CTBP2: variants seen among roughly 807,000 people sequenced by gnomAD.
The protein encoded by CTBP2 is C-terminal-binding protein 2.
CTBP2 carries 30 observed loss-of-function variants against 80.3 expected under a neutral mutation model. The observed-to-expected ratio is 0.37, with a 90% CI of 0.28 to 0.51. The LOEUF is 0.51. Among genes scored for constraint, CTBP2 ranks in the 20% least tolerant of loss-of-function variants. The pLI is 0.93. For missense variants in CTBP2, 1,212 were observed against 1,375.3 expected, an observed-to-expected ratio of 0.88 and a Z score of 1.88; for synonymous variants, 594 against 587.4, an observed-to-expected ratio of 1.01 and a Z score of -0.16.
At chr10:125,080,534 G>A (rs886585028) in intron 2 of CTBP2, among the ~76,000 whole-genome samples, 1 of 152,196 alleles carries the variant, frequency 6.6e-6, no homozygotes. Context: ...CATCTTGGCT[G>A]TCATCATTGG....
chr10:125,026,555 G>A lies in CTBP2; in HGVS notation c.1205C>T (p.Pro402Leu), dbSNP rs747390930. The change falls in exon 1 of 9, where the codon CCG (proline) becomes CTG (leucine). Residue 402 changes from proline to leucine, a missense_variant. Transcript: ENST00000309035. Reference sequence around the variant, plus strand: ...TGGTGCGCTGGAGGGACGGCGAGCCGGGTCTCCAGCTCGGGGGGATGCTGT... The same window carrying A: ...TGGTGCGCTGGAGGGACGGCGAGCCAGGTCTCCAGCTCGGGGGGATGCTGT... 2.0e-5 allele frequency: 31 copies of A among 1,570,468 alleles called. No homozygotes were observed. Among genetic ancestry groups the A allele is most frequent in the Non-Finnish European group, 2.6e-5 (30 of 1,158,610 alleles).
chr10:125,026,874 A>C lies in CTBP2; in HGVS notation c.886T>G (p.Phe296Val). 2 of 1,613,850 alleles carry C rather than the reference A, an allele frequency of 1.2e-6. No homozygotes were observed. Among genetic ancestry groups the C allele is most frequent in the South Asian group, 2.2e-5 (2 of 91,084 alleles). The change falls in exon 1 of 9, where the codon TTT (phenylalanine) becomes GTT (valine). Residue 296 changes from phenylalanine (F) to valine (V), a missense_variant. Physicochemically the swap from Phe to Val is conservative, Grantham distance 50. Around this residue, in one of 3 missense-constraint regions of CTBP2, gnomAD observed 848 missense variants for 782.3 expected, o/e 1.08. Transcript: ENST00000309035. ...TCTGCCAGCCCCTCCGCCCGCAGAA[A>C]GGCCAGGAACTCAGGGAGCACGGTC...
chr10:125,040,272 T>C (rs1394432101), intron 2 of CTBP2, among the ~76,000 whole-genome samples: 8 of 151,978 alleles, frequency 5.3e-5, no homozygotes, highest in Admixed American at 2.6e-4. Context: ...CTGGCCAACA[T>C]GGTAAAATCC....
chr10:125,106,525 C>T (rs1412425746), intron 2 of CTBP2, among the ~76,000 whole-genome samples: 1 of 152,182 alleles, frequency 6.6e-6, no homozygotes, highest in African/African-American at 2.4e-5. Context: ...AAATGGGGGT[C>T]TTGGGAAGGG....
intron 2 of CTBP2, among the ~76,000 whole-genome samples, chr10:125,091,575 C>T (rs1018352283): frequency 6.6e-6 from 1 of 151,848 alleles, no homozygotes; most frequent in Non-Finnish European, 1.5e-5. Flanking sequence ...GAGTTTGAGA[C>T]CAGTCTGGGC....
At chr10:125,110,359 A>G (rs1033010258) in intron 2 of CTBP2, among the ~76,000 whole-genome samples, 2 of 152,184 alleles carry the variant, frequency 1.3e-5, no homozygotes, top group African/African-American at 4.8e-5. Flanking sequence ...GCCGAAATGA[A>G]ACTTAGAATC....
In CTBP2 at chr10:125,005,485, A is replaced by C. The variant is rs184608218; in HGVS notation, c.1679-1993T>G. Reference sequence around the variant, plus strand: ...ACTCCAACATCCTTCTGCACCAGGAAAACAGGGCAGGGGAGGGGGAAAATA... The same window carrying C: ...ACTCCAACATCCTTCTGCACCAGGACAACAGGGCAGGGGAGGGGGAAAATA... On this transcript the variant is annotated intron_variant, in intron 1 of 8. Transcript: ENST00000309035. 16 of 1,499,218 alleles carry C rather than the reference A, an allele frequency of 1.1e-5. No homozygotes were observed. The African/African-American group carries it at 1.2e-4, about 12-fold the overall frequency. 92.9% of individuals were successfully genotyped at this position (1,499,218 alleles called of 1,614,324 possible). A position where few individuals can be genotyped will look rare whatever the true frequency, so the allele number is the denominator to read the frequency against.
At position 124,994,112 on chromosome 10, in the gene CTBP2, T is replaced by C. The variant is rs1953116607; in HGVS notation, c.2401-127A>G. The C allele has an allele frequency of 3.8e-6, 5 of 1,316,958 alleles. No homozygotes were observed. The Admixed American group carries it at 8.7e-5, about 23-fold the overall frequency. The allele number at this position is 1,316,958 out of a possible 1,614,324, so 81.6% of individuals were successfully genotyped here. On this transcript the variant is annotated intron_variant, in intron 5 of 8. Transcript: ENST00000309035. ...GGTGGTTTAATGTGTGTGCTGCAGT[T>C]TGAGGGAAGGGAGTGGGAAGTGTTG...
chr10:124,998,401 C>T (rs1953956568), intron 3 of CTBP2: 3 of 570,062 alleles, frequency 5.3e-6, no homozygotes, highest in Admixed American at 6.2e-5. Context: ...ACTTTTGCTC[C>T]AGGACGTGGC....
intron 2 of CTBP2, among the ~76,000 whole-genome samples, chr10:125,091,563 G>T (rs1378285826): frequency 6.6e-6 from 1 of 152,130 alleles, no homozygotes; most frequent in African/African-American, 2.4e-5. Flanking sequence ...ACATGAGCCC[G>T]GGAGTTTGAG....
intron 2 of CTBP2, among the ~76,000 whole-genome samples, chr10:125,081,745 C>T (rs1240182546): frequency 1.3e-5 from 2 of 152,010 alleles, no homozygotes; most frequent in Non-Finnish European, 2.9e-5. Flanking sequence ...TGATATTTTC[C>T]CAGAGAACCC....
chr10:125,150,434 G>A (rs1473204393), intron 1 of CTBP2, among the ~76,000 whole-genome samples: 3 of 152,196 alleles, frequency 2.0e-5, no homozygotes, highest in African/African-American at 7.2e-5. Context: ...GGGCAAGGGA[G>A]AAACAGCTTG....
At chr10:125,125,971 G>A (rs906915356) in intron 1 of CTBP2, among the ~76,000 whole-genome samples, 1 of 152,216 alleles carries the variant, frequency 6.6e-6, no homozygotes, top group African/African-American at 2.4e-5. Context: ...CTGAGCATTC[G>A]AGAAACCAAA....
At position 124,989,305 on chromosome 10, in the gene CTBP2, G is replaced by A. The variant is rs1001996576; in HGVS notation, c.*213C>T. Reference sequence around the variant, plus strand: ...TAACACACAATAACAGAAGTTGGTCGTTAATAAATCACATCCTAGTCTTTC... The same window carrying A: ...TAACACACAATAACAGAAGTTGGTCATTAATAAATCACATCCTAGTCTTTC... On this transcript the variant is annotated 3_prime_UTR_variant, in exon 9 of 9. Transcript: ENST00000309035. 1.7e-5 allele frequency: 10 copies of A among 582,030 alleles called. No homozygotes were observed. Among genetic ancestry groups the A allele is most frequent in the Admixed American group, 9.1e-5 (3 of 33,144 alleles). 36.1% of individuals were successfully genotyped at this position (582,030 alleles called of 1,614,324 possible). A position where few individuals can be genotyped will look rare whatever the true frequency, so the allele number is the denominator to read the frequency against.
chr10:125,130,179 G>C (rs2460567), intron 1 of CTBP2, among the ~76,000 whole-genome samples: 145,159 of 152,210 alleles, frequency 0.95, 69,304 homozygotes, highest in Middle Eastern at 1. Flanking sequence ...TCCCAAGTAG[G>C]TGGGATTACA....
At chr10:125,045,442 C>A (rs1200722931) in intron 2 of CTBP2, among the ~76,000 whole-genome samples, 2 of 152,108 alleles carry the variant, frequency 1.3e-5, no homozygotes, top group Non-Finnish European at 2.9e-5. Context: ...TATACACTAC[C>A]AATAAAGAGG....
intron 1 of CTBP2, among the ~76,000 whole-genome samples, chr10:125,136,935 G>A (rs554687151): frequency 1.3e-3 from 201 of 152,260 alleles, no homozygotes; most frequent in Non-Finnish European, 2.1e-3. Flanking sequence ...AATGGGCTCC[G>A]GGCTCGTGTC....
chr10:125,063,579 CAGT>C (rs1184355045), intron 2 of CTBP2, among the ~76,000 whole-genome samples: 1 of 152,220 alleles, frequency 6.6e-6, no homozygotes, highest in East Asian at 1.9e-4. Context: ...GGCTCCCCTA[CAGT>C]AGTAAAAATT....
At chr10:125,111,613 A>G (rs1438655069) in intron 1 of CTBP2, among the ~76,000 whole-genome samples, 1 of 152,228 alleles carries the variant, frequency 6.6e-6, no homozygotes, top group Non-Finnish European at 1.5e-5. Flanking sequence ...ACTGAAATTG[A>G]TTACTCAGTT....
Sources: gnomAD v4.1 joint callset for allele counts (sites outside exome capture counted in the v4.1 genomes callset) on GRCh38, gnomAD v4.1.1 for gene constraint, gnomAD v4.1.1 regional missense constraint, MANE v1.5 for transcripts, NCBI Gene and HGNC (gene_info 2026-07-23, HGNC 2026-07-21) for gene names.